TJP1: variants seen among roughly 807,000 people sequenced by gnomAD.
TJP1 encodes the protein tight junction protein 1, also known as tight junction protein ZO-1.
In TJP1, 43 loss-of-function variants were observed where a neutral mutation model predicts 194.2. That is an observed-to-expected ratio of 0.22 (90% CI 0.17 to 0.29). The LOEUF is 0.29. TJP1 is among the 10% of genes least tolerant of loss of function. TJP1 has a pLI of 1.00. For missense variants in TJP1, 1,971 were observed against 2,185.7 expected (o/e 0.90, Z 1.96); for synonymous variants, 801 against 779.0 (o/e 1.03, Z -0.47).
chr15:29,797,956 A>C (rs1264264998), intron 2 of TJP1, among the ~76,000 whole-genome samples: 1 of 152,220 alleles, frequency 6.6e-6, no homozygotes, highest in Non-Finnish European at 1.5e-5. Flanking sequence ...TAAGCAAACT[A>C]AAACCACGTG....
intron 8 of TJP1, among the ~76,000 whole-genome samples, chr15:29,749,148 G>GTTT (rs71103409): frequency 7.1e-6 from 1 of 141,266 alleles, no homozygotes. Context: ...AGTTTCTGTT[G>GTTT]TTTTTTTTTT....
intron 1 of TJP1, among the ~76,000 whole-genome samples, chr15:29,964,025 T>C (rs1261710369): frequency 6.6e-6 from 1 of 152,246 alleles, no homozygotes; most frequent in Non-Finnish European, 1.5e-5. Context: ...AAAATATTTT[T>C]CACATTTTAC....
chr15:29,878,635 T>A (rs1364478745), intron 2 of TJP1, among the ~76,000 whole-genome samples: 3 of 152,156 alleles, frequency 2.0e-5, no homozygotes, highest in African/African-American at 7.2e-5. Flanking sequence ...GAAGCATCTT[T>A]GAAAGGTGTC....
chr15:29,707,402 G>A (rs1390383872), intron 25 of TJP1, among the ~76,000 whole-genome samples: 3 of 152,154 alleles, frequency 2.0e-5, no homozygotes, highest in Non-Finnish European at 4.4e-5. Flanking sequence ...CAACATCAAG[G>A]GAGCAGAGCG....
chr15:29,755,074 A>G (rs2045561037), intron 8 of TJP1, among the ~76,000 whole-genome samples: 1 of 152,190 alleles, frequency 6.6e-6, no homozygotes, highest in African/African-American at 2.4e-5. Context: ...GTCCCTGAAG[A>G]TTAAAATACT....
At chr15:29,817,031 T>C (rs2049974108) in intron 1 of TJP1, among the ~76,000 whole-genome samples, 1 of 152,148 alleles carries the variant, frequency 6.6e-6, no homozygotes, top group Non-Finnish European at 1.5e-5. Flanking sequence ...ACCTACAGAA[T>C]GGGAGAAAAA....
At chr15:29,964,379 G>A (rs2056262767) in intron 1 of TJP1, among the ~76,000 whole-genome samples, 1 of 141,612 alleles carries the variant, frequency 7.1e-6, no homozygotes, top group Non-Finnish European at 1.5e-5. Context: ...TTTATAATTT[G>A]AAATAAATTA....
intron 2 of TJP1, among the ~76,000 whole-genome samples, chr15:29,845,646 A>C (rs1314162527): frequency 6.6e-6 from 1 of 152,000 alleles, no homozygotes; most frequent in Non-Finnish European, 1.5e-5. Flanking sequence ...CTACTGAAAA[A>C]AAACAAAAAT....
chr15:29,952,883 G>A (rs1461687067), intron 2 of TJP1, among the ~76,000 whole-genome samples: 1 of 152,056 alleles, frequency 6.6e-6, no homozygotes, highest in Non-Finnish European at 1.5e-5. Flanking sequence ...TATCTATGGT[G>A]GCTAAGGTAC....
chr15:29,783,069 T>C (rs1291106098), intron 2 of TJP1, among the ~76,000 whole-genome samples: 1 of 151,836 alleles, frequency 6.6e-6, no homozygotes, highest in Non-Finnish European at 1.5e-5. Context: ...AGGTCAGAAG[T>C]TCGAGGCCAG....
At chr15:29,885,797 T>C (rs952515722) in intron 2 of TJP1, among the ~76,000 whole-genome samples, 2 of 152,196 alleles carry the variant, frequency 1.3e-5, no homozygotes, top group African/African-American at 2.4e-5. Flanking sequence ...AACAAACATA[T>C]GATGTTTTAT....
At chr15:29,784,971 T>C (rs575452556) in intron 2 of TJP1, among the ~76,000 whole-genome samples, 4 of 152,338 alleles carry the variant, frequency 2.6e-5, no homozygotes, top group East Asian at 3.9e-4. Flanking sequence ...GGCAATAATA[T>C]GCTCTCTGTA....
At chr15:29,827,932 G>A (rs1371573644) in intron 2 of TJP1, among the ~76,000 whole-genome samples, 1 of 152,116 alleles carries the variant, frequency 6.6e-6, no homozygotes, top group Admixed American at 6.6e-5. Flanking sequence ...GCATGCCCAG[G>A]TCTTTTGGCA....
intron 4 of TJP1, among the ~76,000 whole-genome samples, chr15:29,770,609 C>T (rs1038501112): frequency 6.9e-6 from 1 of 144,752 alleles, no homozygotes; most frequent in Non-Finnish European, 1.5e-5. Context: ...CTACTCGGGA[C>T]GCTGAGCTTG....
intron 26 of TJP1, 127 bp downstream of exon 26, chr15:29,705,401 C>G (rs2041828385): frequency 2.0e-6 from 2 of 983,200 alleles, no homozygotes; most frequent in Admixed American, 4.9e-5. Context: ...CCCAGGGCAC[C>G]CCTCGCTACA....
intron 2 of TJP1, among the ~76,000 whole-genome samples, chr15:29,909,138 C>G (rs1181668991): frequency 1.5e-5 from 2 of 133,164 alleles, no homozygotes; most frequent in East Asian, 4.4e-4. Context: ...GCCTGGGGAA[C>G]AGAGGGAGAC....
chr15:29,712,662 C>T (rs2151059985), intron 23 of TJP1, among the ~76,000 whole-genome samples: 1 of 152,304 alleles, frequency 6.6e-6, no homozygotes, highest in South Asian at 2.1e-4. Flanking sequence ...TTAACTGTTA[C>T]TGCAGTGAAA....
intron 1 of TJP1, among the ~76,000 whole-genome samples, chr15:29,820,198 GAA>G (rs2050231284): frequency 6.6e-6 from 1 of 150,888 alleles, no homozygotes; most frequent in East Asian, 1.9e-4. Flanking sequence ...GGAGGGTGGG[GAA>G]AACAAACGCA....
intron 8 of TJP1, among the ~76,000 whole-genome samples, chr15:29,750,267 T>C (rs2045174923): frequency 6.6e-6 from 1 of 152,044 alleles, no homozygotes; most frequent in Non-Finnish European, 1.5e-5. Flanking sequence ...CCTCCCAAAG[T>C]GCTGGGATTA....
Sources: allele counts gnomAD v4.1 joint callset (sites outside exome capture counted in the v4.1 genomes callset), GRCh38; gene constraint gnomAD v4.1.1; transcripts MANE v1.5; gene names NCBI Gene and HGNC (gene_info 2026-07-23, HGNC 2026-07-21).